PTPRK: variants seen among roughly 807,000 people sequenced by gnomAD.
The protein encoded by PTPRK is receptor-type tyrosine-protein phosphatase kappa.
In PTPRK, 75 loss-of-function variants were observed where a neutral mutation model predicts 178.0. The ratio of observed to expected loss-of-function variants is 0.42; its 90% CI spans 0.35 to 0.51. PTPRK has a LOEUF of 0.51. PTPRK is among the 20% of genes least tolerant of loss of function. PTPRK has a pLI of 0.02. For missense variants in PTPRK, 1,441 were observed against 1,797.8 expected, an observed-to-expected ratio of 0.80 and a Z score of 3.59; for synonymous variants, 637 against 620.6, an observed-to-expected ratio of 1.03 and a Z score of -0.39.
chr6:128,213,723 C>G (rs936679740), intron 6 of PTPRK, among the ~76,000 whole-genome samples: 2 of 152,042 alleles, frequency 1.3e-5, no homozygotes, highest in Admixed American at 1.3e-4. Context: ...TAGCCACCAA[C>G]TAGCAAAACC....
At chr6:128,025,932 G>C (rs190060490) in intron 13 of PTPRK, among the ~76,000 whole-genome samples, 1 of 152,252 alleles carries the variant, frequency 6.6e-6, no homozygotes, top group East Asian at 1.9e-4. Flanking sequence ...TGCAAAGACC[G>C]CTTTTCCCTA....
chr6:128,433,886 T>C (rs1178101725), intron 1 of PTPRK, among the ~76,000 whole-genome samples: 7 of 149,412 alleles, frequency 4.7e-5, no homozygotes, highest in Non-Finnish European at 8.9e-5. Flanking sequence ...ACTAAGAAGA[T>C]ACTTGAGCAC....
chr6:128,175,892 CCTAAACAGAAAGG>C (rs1397649201), intron 7 of PTPRK, among the ~76,000 whole-genome samples: 1 of 151,784 alleles, frequency 6.6e-6, no homozygotes, highest in African/African-American at 2.4e-5. Context: ...ATTTTATCCA[CCTAAACAGAAAGG>C]ATTTGGCTGT....
intron 6 of PTPRK, among the ~76,000 whole-genome samples, chr6:128,210,691 G>T (rs994448959): frequency 2.0e-5 from 3 of 151,952 alleles, no homozygotes; most frequent in Non-Finnish European, 4.4e-5. Context: ...GAACAGGAAA[G>T]GACTGTGATT....
intron 2 of PTPRK, among the ~76,000 whole-genome samples, chr6:128,379,295 C>T (rs1350238139): frequency 2.0e-5 from 3 of 152,064 alleles, no homozygotes; most frequent in African/African-American, 7.2e-5. Flanking sequence ...GATGCACTGC[C>T]ATGAACCATG....
intron 1 of PTPRK, among the ~76,000 whole-genome samples, chr6:128,511,796 C>T (rs929956895): frequency 6.6e-6 from 1 of 152,126 alleles, no homozygotes; most frequent in Non-Finnish European, 1.5e-5. Flanking sequence ...CTCATATAGC[C>T]ACTTGGGACA....
chr6:128,421,355 G>A (rs1454618344), intron 1 of PTPRK, among the ~76,000 whole-genome samples: 1 of 152,170 alleles, frequency 6.6e-6, no homozygotes. Flanking sequence ...GCCAAAAGCA[G>A]TCCCATAAAT....
intron 1 of PTPRK, among the ~76,000 whole-genome samples, chr6:128,439,782 A>G (rs1846058679): frequency 6.6e-6 from 1 of 152,214 alleles, no homozygotes; most frequent in South Asian, 2.1e-4. Flanking sequence ...ATAATTAAAT[A>G]TATTTGGTCT....
At position 128,226,404 on chromosome 6, in the gene PTPRK, C is replaced by G. The variant is rs9375554; in HGVS notation, c.694-7308G>C. 0.029 allele frequency among the ~76,000 whole-genome samples: 4,368 copies of G among 152,126 alleles called. 293 individuals are homozygous for G. In the East Asian group the frequency reaches 0.31, roughly 11 times the overall value. On this transcript the variant is annotated intron_variant, in intron 5 of 29. Transcript: ENST00000368226. ...TGTGTACTTGCCTATGCTACAATCT[C>G]CAGTTATTTCATTAAATACTAAACT...
chr6:128,023,779 G>A (rs1773881196), intron 13 of PTPRK, among the ~76,000 whole-genome samples: 1 of 151,924 alleles, frequency 6.6e-6, no homozygotes, highest in South Asian at 2.1e-4. Context: ...TTAGCCTCTG[G>A]AGTAGCTGGG....
intron 5 of PTPRK, among the ~76,000 whole-genome samples, chr6:128,225,136 T>C (rs909707447): frequency 3.3e-5 from 5 of 152,206 alleles, no homozygotes; most frequent in Non-Finnish European, 7.4e-5. Flanking sequence ...AGAGCTGCAC[T>C]GACAATACAT....
intron 7 of PTPRK, among the ~76,000 whole-genome samples, chr6:128,131,175 G>A (rs140121947): frequency 2.7e-3 from 405 of 152,284 alleles, no homozygotes; most frequent in African/African-American, 9.2e-3. Flanking sequence ...AGATTGTGCA[G>A]GGACAGAGCT....
intron 1 of PTPRK, among the ~76,000 whole-genome samples, chr6:128,486,586 T>A (rs1357625691): frequency 6.6e-6 from 1 of 152,118 alleles, no homozygotes; most frequent in African/African-American, 2.4e-5. Context: ...GAAGGATTGC[T>A]TGAACTCAGG....
intron 3 of PTPRK, among the ~76,000 whole-genome samples, chr6:128,300,630 T>A: frequency 7.0e-6 from 1 of 143,296 alleles, no homozygotes; most frequent in African/African-American, 2.6e-5. Context: ...AAACACTGCA[T>A]ATTCTCACTC....
At chr6:128,414,758 G>A (rs1562473887) in intron 1 of PTPRK, among the ~76,000 whole-genome samples, 1 of 152,120 alleles carries the variant, frequency 6.6e-6, no homozygotes, top group East Asian at 1.9e-4. Context: ...CACATATTAT[G>A]TGTTCAGACT....
chr6:128,428,058 A>T (rs1410950773), intron 1 of PTPRK, among the ~76,000 whole-genome samples: 1 of 152,112 alleles, frequency 6.6e-6, no homozygotes. Flanking sequence ...ACGCCACTGC[A>T]CTCCAGCCTG....
chr6:128,198,806 T>C (rs1805387469), intron 6 of PTPRK, among the ~76,000 whole-genome samples: 1 of 152,170 alleles, frequency 6.6e-6, no homozygotes, highest in African/African-American at 2.4e-5. Flanking sequence ...TACCTATATT[T>C]TTTGCCTCTC....
intron 1 of PTPRK, among the ~76,000 whole-genome samples, chr6:128,473,402 CTATTTTTTT>C (rs1486639063): frequency 1.7e-5 from 2 of 118,642 alleles, no homozygotes; most frequent in African/African-American, 3.3e-5. Flanking sequence ...TATATGGTTA[CTATTTTTTT>C]TTTTTTTTTT....
intron 3 of PTPRK, among the ~76,000 whole-genome samples, chr6:128,314,929 GTTCTC>G (rs1827795503): frequency 6.6e-6 from 1 of 151,190 alleles, no homozygotes; most frequent in African/African-American, 2.4e-5. Flanking sequence ...CAATTATTTG[GTTCTC>G]TTTATTGTTC....
Sources: allele counts gnomAD v4.1 joint callset (sites outside exome capture counted in the v4.1 genomes callset), GRCh38; gene constraint gnomAD v4.1.1; transcripts MANE v1.5; gene names NCBI Gene and HGNC (gene_info 2026-07-23, HGNC 2026-07-21).